Variants in ZNF385D observed in about 807,000 individuals in gnomAD.
The protein encoded by ZNF385D is zinc finger protein 385D.
A neutral mutation model predicts 35.8 loss-of-function variants in ZNF385D; 15 were observed. That is an observed-to-expected ratio of 0.42 (90% CI 0.28 to 0.64). The LOEUF is 0.64. ZNF385D is among the 30% of genes least tolerant of loss of function. The pLI is 0.23. For synonymous variants in ZNF385D, 212 were observed against 186.8 expected (o/e 1.13, Z -1.10); for missense variants, 474 against 494.6 (o/e 0.96, Z 0.39).
chr3:21,757,333 G>C (rs1472900227), intron 3 of ZNF385D, among the ~76,000 whole-genome samples: 1 of 151,906 alleles, frequency 6.6e-6, no homozygotes, highest in Non-Finnish European at 1.5e-5. Flanking sequence ...GGTAGAGATA[G>C]GGTTTTGCCA....
chr3:21,586,106 TA>T (rs928127409), intron 2 of ZNF385D, among the ~76,000 whole-genome samples: 6 of 152,120 alleles, frequency 3.9e-5, no homozygotes, highest in African/African-American at 1.2e-4. Flanking sequence ...CTTGAAAGGC[TA>T]AGATGAGAGG....
At chr3:22,015,782 A>G (rs1394786627) in intron 3 of ZNF385D, among the ~76,000 whole-genome samples, 1 of 152,080 alleles carries the variant, frequency 6.6e-6, no homozygotes, top group African/African-American at 2.4e-5. Flanking sequence ...TGGCTTTCCT[A>G]GGAAGACTGG....
chr3:22,269,117 C>T (rs1701045684), intron 2 of ZNF385D, among the ~76,000 whole-genome samples: 1 of 151,820 alleles, frequency 6.6e-6, no homozygotes, highest in Admixed American at 6.6e-5. Context: ...CAGCTTATAC[C>T]CTGCCAATGT....
At chr3:22,025,329 A>G (rs1482163178) in intron 3 of ZNF385D, among the ~76,000 whole-genome samples, 2 of 151,696 alleles carry the variant, frequency 1.3e-5, no homozygotes, top group African/African-American at 2.4e-5. Flanking sequence ...CACCCCCAAA[A>G]CCTCTGTTTG....
intron 2 of ZNF385D, among the ~76,000 whole-genome samples, chr3:22,230,008 A>G (rs1040508916): frequency 6.6e-6 from 1 of 152,182 alleles, no homozygotes; most frequent in South Asian, 2.1e-4. Flanking sequence ...TCTAAAGGGG[A>G]AAAATAACAA....
At chr3:21,929,688 A>G (rs990978940) in intron 3 of ZNF385D, among the ~76,000 whole-genome samples, 2 of 152,062 alleles carry the variant, frequency 1.3e-5, no homozygotes, top group Non-Finnish European at 2.9e-5. Context: ...AAAATTAAGA[A>G]AACAATTCCA....
chr3:22,073,674 C>T (rs536901950), intron 3 of ZNF385D, among the ~76,000 whole-genome samples: 1 of 151,548 alleles, frequency 6.6e-6, no homozygotes, highest in East Asian at 1.9e-4. Flanking sequence ...TACCAGCTAT[C>T]CTATCTTACA....
chr3:22,265,779 C>T (rs1309893832), intron 2 of ZNF385D, among the ~76,000 whole-genome samples: 1 of 151,896 alleles, frequency 6.6e-6, no homozygotes, highest in Non-Finnish European at 1.5e-5. Context: ...TTAAGCACTC[C>T]ACAAAGTGTT....
intron 2 of ZNF385D, among the ~76,000 whole-genome samples, chr3:22,291,338 A>G (rs1702291882): frequency 6.6e-6 from 1 of 152,022 alleles, no homozygotes; most frequent in African/African-American, 2.4e-5. Flanking sequence ...ATCAAGACCC[A>G]TTTTCTGCCC....
intron 3 of ZNF385D, among the ~76,000 whole-genome samples, chr3:22,126,299 AT>A (rs1315797650): frequency 5.1e-5 from 6 of 118,162 alleles, no homozygotes; most frequent in Non-Finnish European, 3.5e-5. Flanking sequence ...TAGGTTATGT[AT>A]TTGAAAGTTG....
intron 2 of ZNF385D, among the ~76,000 whole-genome samples, chr3:22,228,791 G>A (rs937316880): frequency 6.6e-6 from 1 of 152,180 alleles, no homozygotes; most frequent in Non-Finnish European, 1.5e-5. Context: ...AAAGCAGGCA[G>A]AAGAATGTGG....
intron 2 of ZNF385D, among the ~76,000 whole-genome samples, chr3:22,293,071 T>C (rs1039412369): frequency 6.6e-6 from 1 of 152,150 alleles, no homozygotes; most frequent in Non-Finnish European, 1.5e-5. Flanking sequence ...GTCTCATGTG[T>C]ATGCTGAACA....
intron 3 of ZNF385D, among the ~76,000 whole-genome samples, chr3:21,917,150 G>A (rs1700228384): frequency 6.6e-6 from 1 of 152,310 alleles, no homozygotes; most frequent in Admixed American, 6.5e-5. Context: ...GTGGAAGTCT[G>A]GCCTGGTGCG....
intron 3 of ZNF385D, among the ~76,000 whole-genome samples, chr3:22,009,756 G>C (rs1405687463): frequency 6.6e-6 from 1 of 152,030 alleles, no homozygotes; most frequent in African/African-American, 2.4e-5. Flanking sequence ...ACCAAAATCT[G>C]GATAGTAGTC....
chr3:22,176,201 G>T (rs1694822568), intron 2 of ZNF385D, among the ~76,000 whole-genome samples: 1 of 151,394 alleles, frequency 6.6e-6, no homozygotes, highest in Non-Finnish European at 1.5e-5. Flanking sequence ...CTTCAGTGGT[G>T]TGTGTGTGTG....
intron 3 of ZNF385D, among the ~76,000 whole-genome samples, chr3:21,883,143 T>A (rs1189351366): frequency 1.3e-5 from 2 of 151,974 alleles, no homozygotes; most frequent in Non-Finnish European, 2.9e-5. Context: ...ATAAGACTAT[T>A]ATCTATTTTG....
At chr3:21,991,766 T>G (rs1695165959) in intron 3 of ZNF385D, among the ~76,000 whole-genome samples, 1 of 152,220 alleles carries the variant, frequency 6.6e-6, no homozygotes, top group African/African-American at 2.4e-5. Context: ...TCCTCTTCAC[T>G]GTTGGGTCAG....
intron 3 of ZNF385D, among the ~76,000 whole-genome samples, chr3:22,012,632 T>C (rs537640451): frequency 2.6e-5 from 4 of 152,108 alleles, no homozygotes; most frequent in Non-Finnish European, 5.9e-5. Flanking sequence ...GTGGATATGA[T>C]ACTTTCCAGA....
intron 3 of ZNF385D, among the ~76,000 whole-genome samples, chr3:22,124,391 G>T (rs890245214): frequency 6.6e-6 from 1 of 152,088 alleles, no homozygotes; most frequent in Admixed American, 6.6e-5. Context: ...AAAAATCATG[G>T]GAGTGCAGAT....
Sources: allele counts gnomAD v4.1 joint callset (sites outside exome capture counted in the v4.1 genomes callset), GRCh38; gene constraint gnomAD v4.1.1; transcripts MANE v1.5; gene names NCBI Gene and HGNC (gene_info 2026-07-23, HGNC 2026-07-21).